Variants in UBE2E2 observed in about 807,000 individuals in gnomAD.
The protein encoded by UBE2E2 is ubiquitin conjugating enzyme E2 E2.
A neutral mutation model predicts 24.7 loss-of-function variants in UBE2E2; 6 were observed. The ratio of observed to expected loss-of-function variants is 0.24; its 90% CI spans 0.13 to 0.48. UBE2E2 has a LOEUF of 0.48. Among genes scored for constraint, UBE2E2 ranks in the 20% least tolerant of loss-of-function variants. The probability of loss-of-function intolerance (pLI) is 0.99; values close to 1 mark genes in which losing one functional copy is unlikely to be tolerated. For missense variants in UBE2E2, 169 were observed against 245.0 expected, an observed-to-expected ratio of 0.69 and a Z score of 2.07; for synonymous variants, 104 against 83.6, an observed-to-expected ratio of 1.24 and a Z score of -1.33.
intron 3 of UBE2E2, among the ~76,000 whole-genome samples, chr3:23,458,011 T>C (rs1211636895): frequency 6.6e-6 from 1 of 152,172 alleles, no homozygotes; most frequent in East Asian, 1.9e-4. Flanking sequence ...AGTAGCACTT[T>C]TAATTTCATG....
intron 2 of UBE2E2, among the ~76,000 whole-genome samples, 193 bp from the exon 3 acceptor site, chr3:23,217,069 C>A (rs1696494619): frequency 6.6e-6 from 1 of 152,062 alleles, no homozygotes; most frequent in Non-Finnish European, 1.5e-5. Context: ...GTAGTCTCAT[C>A]CTTTAGATGC....
intron 3 of UBE2E2, among the ~76,000 whole-genome samples, chr3:23,497,774 G>T (rs1339040484): frequency 1.3e-5 from 2 of 152,036 alleles, no homozygotes; most frequent in Non-Finnish European, 2.9e-5. Flanking sequence ...TTTTTCTAAT[G>T]TATTTTCTTG....
At chr3:23,586,846 A>G (rs1397630802) in intron 5 of UBE2E2, among the ~76,000 whole-genome samples, 1 of 152,154 alleles carries the variant, frequency 6.6e-6, no homozygotes, top group Non-Finnish European at 1.5e-5. Context: ...TATTTACCAT[A>G]TCGGTATAAA....
chr3:23,585,892 G>A (rs992013394), intron 5 of UBE2E2, among the ~76,000 whole-genome samples: 2 of 145,152 alleles, frequency 1.4e-5, no homozygotes, highest in African/African-American at 5.2e-5. Flanking sequence ...AAAATTATTT[G>A]GTTGATAACA....
chr3:23,565,767 G>A (rs1696058860), intron 5 of UBE2E2, among the ~76,000 whole-genome samples: 1 of 152,166 alleles, frequency 6.6e-6, no homozygotes, highest in African/African-American at 2.4e-5. Context: ...AGATGCTTCT[G>A]CCTAATAGTT....
chr3:23,436,596 T>A (rs943555170), intron 3 of UBE2E2, among the ~76,000 whole-genome samples: 1 of 151,936 alleles, frequency 6.6e-6, no homozygotes, highest in Non-Finnish European at 1.5e-5. Flanking sequence ...AAAGCTGCAG[T>A]GAGCTGCGAT....
chr3:23,439,955 T>C (rs757276222), intron 3 of UBE2E2, among the ~76,000 whole-genome samples: 3 of 150,382 alleles, frequency 2.0e-5, no homozygotes, highest in Admixed American at 2.0e-4. Context: ...GACATTCTTA[T>C]CTTTTTAAAT....
At chr3:23,511,841 T>C (rs117628384) in intron 4 of UBE2E2, among the ~76,000 whole-genome samples, 4,393 of 152,320 alleles carry the variant, frequency 0.029, 109 homozygotes, top group East Asian at 0.13. Context: ...CATTTGTTGT[T>C]AATAAATTAT....
rs1488003273 is a variant in UBE2E2, at chr3:23,562,768, A to G, written c.509-26966A>G. Among the ~76,000 whole-genome samples, 21 of 152,278 alleles carry G rather than the reference A, an allele frequency of 1.4e-4. No homozygotes were observed. In the South Asian group the frequency reaches 4.0e-3, roughly 29 times the overall value. On this transcript the variant is annotated intron_variant, in intron 5 of 5. Transcript: ENST00000396703. ...CAGAGCCTGTTATTGGTCTATTAAA[A>G]GATTCAGCTTCTTCCTGGTTTAGTC... is the stretch of plus-strand genomic sequence containing the variant.
At chr3:23,416,694 C>T (rs144677520) in intron 3 of UBE2E2, among the ~76,000 whole-genome samples, 4,380 of 152,230 alleles carry the variant, frequency 0.029, 109 homozygotes, top group East Asian at 0.13. Context: ...ACCAACCAAA[C>T]GTTGGTTTGG....
At chr3:23,457,651 G>C (rs1171557059) in intron 3 of UBE2E2, among the ~76,000 whole-genome samples, 1 of 152,094 alleles carries the variant, frequency 6.6e-6, no homozygotes, top group South Asian at 2.1e-4. Context: ...AGGTAACTTG[G>C]ACTACAGGCA....
intron 5 of UBE2E2, among the ~76,000 whole-genome samples, chr3:23,542,678 T>C (rs1217102188): frequency 6.6e-6 from 1 of 152,238 alleles, no homozygotes; most frequent in African/African-American, 2.4e-5. Context: ...TTTTTTCTTA[T>C]ACAAATAATA....
rs563330669 is a variant in UBE2E2 at position 23,203,366 on chromosome 3, C to T, written c.-107C>T. 21 of 986,100 alleles carry T rather than the reference C, an allele frequency of 2.1e-5. No homozygotes were observed. The highest frequency in any genetic ancestry group is 3.5e-5 in the African/African-American group (2 of 57,248). 61.1% of individuals were successfully genotyped at this position (986,100 alleles called of 1,614,324 possible). A position where few individuals can be genotyped will look rare whatever the true frequency, so the allele number is the denominator to read the frequency against. On this transcript the variant is annotated 5_prime_UTR_variant, in exon 1 of 6. Coordinates refer to ENST00000396703, the MANE Select transcript of UBE2E2 (RefSeq NM_152653.4). ...AGACGGTCCGCAGGGGACATCCCGT[C>T]CCTGGGGCCTCCCCAGTCTCCCTCC...
intron 3 of UBE2E2, among the ~76,000 whole-genome samples, chr3:23,358,328 A>G (rs905634652): frequency 6.6e-6 from 1 of 152,258 alleles, no homozygotes; most frequent in Admixed American, 6.5e-5. Flanking sequence ...TTAGAAAAAT[A>G]ACTTTGTGTA....
At chr3:23,328,978 C>T (rs566308638) in intron 3 of UBE2E2, among the ~76,000 whole-genome samples, 5 of 152,214 alleles carry the variant, frequency 3.3e-5, no homozygotes, top group South Asian at 2.1e-4. Flanking sequence ...GCCTTAATCT[C>T]GATAGGCTTT....
At chr3:23,509,246 C>T (rs1050073060) in intron 4 of UBE2E2, among the ~76,000 whole-genome samples, 1 of 152,160 alleles carries the variant, frequency 6.6e-6, no homozygotes, top group Non-Finnish European at 1.5e-5. Context: ...TGGCATTTTC[C>T]TAACCTTACA....
At chr3:23,262,294 T>C (rs1697923119) in intron 3 of UBE2E2, among the ~76,000 whole-genome samples, 1 of 152,316 alleles carries the variant, frequency 6.6e-6, no homozygotes, top group African/African-American at 2.4e-5. Context: ...ATTTTTTAAA[T>C]TTTAGAAACA....
intron 3 of UBE2E2, among the ~76,000 whole-genome samples, chr3:23,219,373 G>A (rs1475361262): frequency 6.6e-6 from 1 of 152,138 alleles, no homozygotes. Flanking sequence ...CATCACTGTG[G>A]TCTTTGGACT....
chr3:23,397,788 A>T (rs978388273), intron 3 of UBE2E2, among the ~76,000 whole-genome samples: 1 of 152,184 alleles, frequency 6.6e-6, no homozygotes, highest in Non-Finnish European at 1.5e-5. Context: ...ACATTTTAAT[A>T]TAATGGTTTT....
Sources: allele counts gnomAD v4.1 joint callset (sites outside exome capture counted in the v4.1 genomes callset), GRCh38; gene constraint gnomAD v4.1.1; transcripts MANE v1.5; gene names NCBI Gene and HGNC (gene_info 2026-07-23, HGNC 2026-07-21).